Variants in NLGN1 observed in about 807,000 individuals in gnomAD.
NLGN1 encodes the protein neuroligin 1, also known as neuroligin-1.
NLGN1 carries 12 observed loss-of-function variants against 65.5 expected under a neutral mutation model. That is an observed-to-expected ratio of 0.18 (90% CI 0.12 to 0.30). The LOEUF (loss-of-function observed/expected upper bound fraction) is 0.30, where lower values mean the gene tolerates loss of function less well. Ranked by LOEUF, NLGN1 falls within the 10% of genes least tolerant of loss-of-function variation. The probability of loss-of-function intolerance (pLI) is 1.00; values close to 1 mark genes in which losing one functional copy is unlikely to be tolerated. For synonymous variants in NLGN1, 350 were observed against 359.5 expected, an observed-to-expected ratio of 0.97 and a Z score of 0.30; for missense variants, 750 against 1,007.1, an observed-to-expected ratio of 0.74 and a Z score of 3.46.
At chr3:173,953,622 A>G (rs962262148) in intron 4 of NLGN1, among the ~76,000 whole-genome samples, 7 of 152,074 alleles carry the variant, frequency 4.6e-5, no homozygotes. Flanking sequence ...TGGCACTATC[A>G]TGGCTCACTG....
chr3:174,147,418 G>GTTTTTTTTTTTTTTTT (rs1723499493), intron 4 of NLGN1, among the ~76,000 whole-genome samples: 1 of 90,020 alleles, frequency 1.1e-5, no homozygotes, highest in African/African-American at 4.5e-5. Context: ...ATGGCTCATG[G>GTTTTTTTTTTTTTTTT]CTTTTTTTTT....
intron 4 of NLGN1, among the ~76,000 whole-genome samples, chr3:173,860,242 T>C (rs1438320853): frequency 2.0e-5 from 3 of 152,108 alleles, no homozygotes; most frequent in Admixed American, 6.5e-5. Context: ...CCCAAATATT[T>C]TTATAGGTAG....
At chr3:173,412,039 C>G (rs779777704) in intron 1 of NLGN1, among the ~76,000 whole-genome samples, 14 of 152,190 alleles carry the variant, frequency 9.2e-5, no homozygotes, top group African/African-American at 1.4e-4. Context: ...CTCTCTCTCA[C>G]TTGAAATATT....
Position 174,181,214 on chromosome 3 carries a change from A to G in NLGN1, c.647-94101A>G, listed in dbSNP as rs574164879. Among the ~76,000 whole-genome samples the G allele has an allele frequency of 2.6e-5, 4 of 152,070 alleles. No individual in the cohort carries two copies. The South Asian group carries it at 8.3e-4, about 32-fold the overall frequency. ...ATAATATAAATTCATCAAATAAATC[A>G]TATATGTCCACACTCTCAGGCCTTC... On this transcript the variant is annotated intron_variant, in intron 4 of 6. Transcript: ENST00000457714.
At chr3:173,908,538 A>G (rs930169160) in intron 4 of NLGN1, among the ~76,000 whole-genome samples, 1 of 152,198 alleles carries the variant, frequency 6.6e-6, no homozygotes, top group African/African-American at 2.4e-5. Flanking sequence ...TGAATGTGCA[A>G]TATAGTAATT....
At chr3:173,808,159 A>C (rs1347386156) in intron 4 of NLGN1, among the ~76,000 whole-genome samples, 1 of 152,054 alleles carries the variant, frequency 6.6e-6, no homozygotes, top group African/African-American at 2.4e-5. Context: ...ACAATACTCT[A>C]AGTTTCCCTG....
chr3:174,270,818 G>C (rs1377285682), intron 4 of NLGN1, among the ~76,000 whole-genome samples: 2 of 151,792 alleles, frequency 1.3e-5, no homozygotes, highest in Non-Finnish European at 1.5e-5. Context: ...ATAGGATTTC[G>C]AGTTGGATTT....
chr3:174,025,972 A>G (rs1728750403), intron 4 of NLGN1, among the ~76,000 whole-genome samples: 1 of 152,226 alleles, frequency 6.6e-6, no homozygotes, highest in Non-Finnish European at 1.5e-5. Flanking sequence ...AATTAAAATT[A>G]GAGTTTTTTT....
At position 173,472,134 on chromosome 3, in the gene NLGN1, C is replaced by T. The variant is rs28629852; in HGVS notation, c.-321+37056C>T. ...GTCATTATATGTAAAGTAATGCACACGCTATTCTCAGTTCTCAAACACAGA... is the reference window on the plus strand; with the variant it reads ...GTCATTATATGTAAAGTAATGCACATGCTATTCTCAGTTCTCAAACACAGA... On this transcript the variant is annotated intron_variant, in intron 2 of 6. Transcript: ENST00000457714. 1.9e-3 allele frequency among the ~76,000 whole-genome samples: 282 copies of T among 152,200 alleles called. 1 individual carries two copies. The highest frequency in any genetic ancestry group is 6.4e-3 in the African/African-American group (265 of 41,554).
chr3:173,808,334 T>G (rs1717119932), intron 4 of NLGN1, among the ~76,000 whole-genome samples: 1 of 152,154 alleles, frequency 6.6e-6, no homozygotes, highest in Admixed American at 6.6e-5. Flanking sequence ...GTATTCTGAT[T>G]GAATTATTTA....
Position 174,280,538 on chromosome 3 carries a change from T to C in NLGN1, c.1707T>C (p.Arg569=). 6.2e-7 allele frequency: 1 copy of C among 1,612,956 alleles called. No individual in the cohort carries two copies. The highest frequency in any genetic ancestry group is 8.5e-7 in the Non-Finnish European group (1 of 1,179,400). Reference sequence around the variant, plus strand: ...AATTCATTCATACCAAACCCAACCGTTTTGAAGAAGTAGCATGGACCAGAT... The same window carrying C: ...AATTCATTCATACCAAACCCAACCGCTTTGAAGAAGTAGCATGGACCAGAT... Residue 569 remains arginine (R), a synonymous_variant, in exon 7 of 7, where the codon CGT becomes CGC. Transcript: ENST00000457714. The surrounding 1 kb of genome is among the most constrained non-coding windows in gnomAD (Gnocchi z 4.9).
At chr3:173,655,802 C>T (rs911561374) in intron 3 of NLGN1, among the ~76,000 whole-genome samples, 9 of 151,442 alleles carry the variant, frequency 5.9e-5, no homozygotes, top group Non-Finnish European at 7.4e-5. Flanking sequence ...TGTATGAGAG[C>T]GTGAGGTTCT....
intron 4 of NLGN1, among the ~76,000 whole-genome samples, chr3:173,945,608 G>T (rs926364565): frequency 6.6e-6 from 1 of 152,106 alleles, no homozygotes; most frequent in Non-Finnish European, 1.5e-5. Context: ...CCAGTGAAAA[G>T]TTGTTTATTT....
chr3:174,080,758 T>G (rs926397668), intron 4 of NLGN1, among the ~76,000 whole-genome samples: 2 of 150,090 alleles, frequency 1.3e-5, no homozygotes, highest in Non-Finnish European at 3.0e-5. Flanking sequence ...AGTTTCAGGT[T>G]TTTTTTTTTG....
chr3:173,891,231 T>C (rs922159413), intron 4 of NLGN1, among the ~76,000 whole-genome samples: 1 of 152,192 alleles, frequency 6.6e-6, no homozygotes, highest in East Asian at 1.9e-4. Context: ...ATTTGAATTA[T>C]TGATCATGTG....
chr3:174,272,830 G>A (rs1241927126), intron 4 of NLGN1, among the ~76,000 whole-genome samples: 2 of 151,506 alleles, frequency 1.3e-5, no homozygotes, highest in African/African-American at 4.8e-5. Flanking sequence ...AATCTTGGAC[G>A]TTTTGAGGCT....
chr3:174,118,703 TG>T (rs988342834), intron 4 of NLGN1, among the ~76,000 whole-genome samples: 1 of 152,250 alleles, frequency 6.6e-6, no homozygotes, highest in African/African-American at 2.4e-5. Flanking sequence ...GTTTCTAGCA[TG>T]TGCCTACCTT....
At chr3:173,399,655 A>G (rs973804389) in intron 1 of NLGN1, 3 of 152,198 alleles carry the variant, frequency 2.0e-5, no homozygotes, top group Non-Finnish European at 4.4e-5. Flanking sequence ...AGTCTCTTCC[A>G]ACTCTGAAAT....
At chr3:173,744,831 T>TTTA (rs998022388) in intron 3 of NLGN1, among the ~76,000 whole-genome samples, 6 of 29,592 alleles carry the variant, frequency 2.0e-4, no homozygotes, top group African/African-American at 6.9e-4. Context: ...TATTTATTTA[T>TTTA]TTTTTTTTTG....
Sources: allele counts gnomAD v4.1 joint callset (sites outside exome capture counted in the v4.1 genomes callset), GRCh38; gene constraint gnomAD v4.1.1; non-coding constraint Gnocchi (gnomAD v3.1); transcripts MANE v1.5; gene names NCBI Gene and HGNC (gene_info 2026-07-23, HGNC 2026-07-21).